BZW2: variants seen among roughly 807,000 people sequenced by gnomAD.
BZW2 encodes basic leucine zipper and W2 domains 2, also known as eIF5-mimic protein 1.
In BZW2, 23 loss-of-function variants were observed where a neutral mutation model predicts 53.2. The ratio of observed to expected loss-of-function variants is 0.43; its 90% CI spans 0.31 to 0.61. BZW2 has a LOEUF of 0.61. BZW2 is among the 20% of genes least tolerant of loss of function. The pLI is 0.09. For missense variants in BZW2, 409 were observed against 503.1 expected (o/e 0.81, Z 1.79); for synonymous variants, 227 against 186.4 (o/e 1.22, Z -1.77).
intron 2 of BZW2, among the ~76,000 whole-genome samples, chr7:16,666,552 G>A (rs186997755): frequency 5.9e-5 from 9 of 152,190 alleles, no homozygotes; most frequent in East Asian, 5.8e-4. Flanking sequence ...ACAGGCAACC[G>A]CCATCATACC....
At chr7:16,681,606 G>A (rs1338153128) in intron 4 of BZW2, among the ~76,000 whole-genome samples, 25 of 152,284 alleles carry the variant, frequency 1.6e-4, no homozygotes, top group Middle Eastern at 3.4e-3. Context: ...CATGGCAGGC[G>A]GATCACTTGA....
intron 1 of BZW2, among the ~76,000 whole-genome samples, chr7:16,660,199 C>T (rs369918999): frequency 1.6e-4 from 25 of 151,988 alleles, no homozygotes; most frequent in African/African-American, 5.3e-4. Context: ...AATTTTTAGA[C>T]TCCAAAGTCT....
At chr7:16,664,627 C>T (rs13222966) in intron 1 of BZW2, among the ~76,000 whole-genome samples, 50,185 of 152,090 alleles carry the variant, frequency 0.33, 8,935 homozygotes, top group East Asian at 0.47. Flanking sequence ...AAATGTGGTA[C>T]AGTTAGATCT....
chr7:16,667,942 C>A lies in BZW2; in HGVS notation c.58+2441C>A, dbSNP rs1021901511. ...CAAACACAAAGTGCTAACCAGAATT[C>A]ATTGTCTTATTGTTTAAAGCAGTCT... On this transcript the variant is annotated intron_variant, in intron 2 of 11. Transcript: ENST00000258761. Among the ~76,000 whole-genome samples, 4 of 152,266 alleles carry A rather than the reference C, an allele frequency of 2.6e-5. No individual in the cohort carries two copies. The South Asian group carries it at 8.3e-4, about 32-fold the overall frequency.
At chr7:16,686,235 G>A in intron 6 of BZW2, 195 bp downstream of exon 6, 1 of 795,900 alleles carries the variant, frequency 1.3e-6, no homozygotes. Context: ...GAAGTTTGAA[G>A]GAAAAAATAT....
intron 6 of BZW2, chr7:16,687,129 T>A (rs1474156376): frequency 6.6e-6 from 1 of 152,184 alleles, no homozygotes; most frequent in Non-Finnish European, 1.5e-5. Context: ...GTCTGTAACT[T>A]CCTTTGTAAT....
chr7:16,689,112 G>A (rs2128365261), intron 6 of BZW2, among the ~76,000 whole-genome samples: 1 of 152,238 alleles, frequency 6.6e-6, no homozygotes, highest in South Asian at 2.1e-4. Context: ...TGTAATCCCA[G>A]CTACTTGGGA....
chr7:16,653,310 C>A (rs769839510), intron 1 of BZW2, among the ~76,000 whole-genome samples: 7 of 152,066 alleles, frequency 4.6e-5, no homozygotes, highest in Non-Finnish European at 8.8e-5. Context: ...ATTTTATTTT[C>A]CTCTTTTCCA....
chr7:16,693,762 G>A (rs1451601758), intron 7 of BZW2, among the ~76,000 whole-genome samples: 3 of 152,186 alleles, frequency 2.0e-5, no homozygotes, highest in African/African-American at 7.2e-5. Context: ...TAAAATGTTT[G>A]CTTTATTATG....
At chr7:16,661,684 T>A (rs935241385) in intron 1 of BZW2, among the ~76,000 whole-genome samples, 4 of 152,150 alleles carry the variant, frequency 2.6e-5, no homozygotes, top group African/African-American at 9.7e-5. Flanking sequence ...TTGTGGAGTA[T>A]CCAAGAAATG....
chr7:16,673,083 C>G (rs904164269), intron 2 of BZW2, among the ~76,000 whole-genome samples: 2 of 152,010 alleles, frequency 1.3e-5, no homozygotes, highest in Admixed American at 1.3e-4. Context: ...GTAGCTGGGA[C>G]TAACAGGGGC....
At chr7:16,648,466 G>A (rs1171532688) in intron 1 of BZW2, among the ~76,000 whole-genome samples, 1 of 152,194 alleles carries the variant, frequency 6.6e-6, no homozygotes, top group Non-Finnish European at 1.5e-5. Context: ...TTGAAATGTT[G>A]TATGTGTCCT....
In BZW2 at chr7:16,706,176, T is replaced by A. The variant is rs1192869171; in HGVS notation, c.*88T>A. The A allele has an allele frequency of 4.1e-6, 6 of 1,449,730 alleles. No homozygotes were observed. The highest frequency in any genetic ancestry group is 5.7e-6 in the Non-Finnish European group (6 of 1,051,310). The allele number at this position is 1,449,730 out of a possible 1,614,324, so 89.8% of individuals were successfully genotyped here. A position where few individuals can be genotyped will look rare whatever the true frequency, so the allele number is the denominator to read the frequency against. ...CATTTGAGAAGAGAAACTTGGCTTC[T>A]GTTTTCGCAAAGGAAAAAAAAAATA... On this transcript the variant is annotated 3_prime_UTR_variant, in exon 12 of 12. Coordinates refer to ENST00000258761, the MANE Select transcript of BZW2 (RefSeq NM_014038.3).
intron 1 of BZW2, among the ~76,000 whole-genome samples, chr7:16,655,603 T>C (rs1369182555): frequency 6.6e-6 from 1 of 152,180 alleles, no homozygotes; most frequent in Non-Finnish European, 1.5e-5. Context: ...TATTGTGCAA[T>C]AGAACACTAG....
intron 7 of BZW2, among the ~76,000 whole-genome samples, chr7:16,694,459 C>T (rs1053275052): frequency 6.6e-6 from 1 of 151,900 alleles, no homozygotes; most frequent in Non-Finnish European, 1.5e-5. Context: ...TAGCTCAGGT[C>T]TCCCCTCCTC....
At chr7:16,682,916 G>A in intron 5 of BZW2, 71 bp downstream of exon 5, 2 of 1,054,868 alleles carry the variant, frequency 1.9e-6, no homozygotes, top group South Asian at 1.6e-5. Flanking sequence ...TTTTATAAGT[G>A]GCCGGACACG....
intron 4 of BZW2, among the ~76,000 whole-genome samples, chr7:16,682,527 G>A (rs569954845): frequency 1.3e-4 from 20 of 151,846 alleles, no homozygotes; most frequent in African/African-American, 4.3e-4. Flanking sequence ...TTTTATTTTC[G>A]TCGAATTTTT....
chr7:16,651,854 G>C (rs1359057628), intron 1 of BZW2, among the ~76,000 whole-genome samples: 2 of 152,148 alleles, frequency 1.3e-5, no homozygotes, highest in Non-Finnish European at 2.9e-5. Flanking sequence ...ATTTATCCAA[G>C]TGCTGAACTC....
At chr7:16,673,175 T>C (rs1782659769) in intron 2 of BZW2, among the ~76,000 whole-genome samples, 2 of 152,120 alleles carry the variant, frequency 1.3e-5, no homozygotes, top group South Asian at 4.1e-4. Context: ...CTCAATCTTC[T>C]GACCTCGTGA....
Sources: gnomAD v4.1 joint callset for allele counts (sites outside exome capture counted in the v4.1 genomes callset) on GRCh38, gnomAD v4.1.1 for gene constraint, MANE v1.5 for transcripts, NCBI Gene and HGNC (gene_info 2026-07-23, HGNC 2026-07-21) for gene names.